Variants in PACRG observed in about 807,000 individuals in gnomAD.
PACRG encodes parkin coregulated.
A neutral mutation model predicts 29.7 loss-of-function variants in PACRG; 29 were observed. The observed-to-expected ratio is 0.98, with a 90% CI of 0.73 to 1.33. The LOEUF is 1.33. PACRG is among the 40% of genes most tolerant of loss of function. PACRG has a pLI of 0.00. For synonymous variants in PACRG, 116 were observed against 118.7 expected, an observed-to-expected ratio of 0.98 and a Z score of 0.15; for missense variants, 279 against 316.2, an observed-to-expected ratio of 0.88 and a Z score of 0.89.
chr6:163,119,494 G>A lies in PACRG; in HGVS notation c.613+30086G>A, dbSNP rs148207489. Among the ~76,000 whole-genome samples the A allele has an allele frequency of 3.6e-3, 550 of 152,326 alleles. 7 individuals are homozygous for A. The highest frequency in any genetic ancestry group is 0.013 in the African/African-American group (526 of 41,582). On this transcript the variant is annotated intron_variant, in intron 4 of 4. Coordinates refer to ENST00000366888, the MANE Select transcript of PACRG (RefSeq NM_001080379.2). ...AGCTCTAAGCAAACTGTCTTTGAAG[G>A]GAGAGAAGAAGCCCCAGCAGAGATT...
intron 4 of PACRG, among the ~76,000 whole-genome samples, chr6:163,302,186 C>T (rs1327475155): frequency 6.6e-6 from 1 of 152,138 alleles, no homozygotes; most frequent in African/African-American, 2.4e-5. Context: ...ATTAAATGGC[C>T]ACATTCAAAA....
chr6:163,130,974 G>A (rs1291649053), intron 4 of PACRG, among the ~76,000 whole-genome samples: 2 of 152,188 alleles, frequency 1.3e-5, no homozygotes, highest in African/African-American at 4.8e-5. Context: ...GGAGTCGAGT[G>A]TGTCCTAATT....
chr6:163,180,576 A>C (rs530392588), intron 4 of PACRG, among the ~76,000 whole-genome samples: 11 of 152,156 alleles, frequency 7.2e-5, no homozygotes, highest in African/African-American at 2.4e-4. Context: ...GCAGTGAGCT[A>C]TGATTACGCC....
intron 2 of PACRG, among the ~76,000 whole-genome samples, chr6:163,037,348 A>G (rs1351013699): frequency 2.6e-5 from 4 of 152,198 alleles, no homozygotes; most frequent in Non-Finnish European, 5.9e-5. Context: ...TCACTCCTAC[A>G]AATGTTCGGC....
intron 2 of PACRG, among the ~76,000 whole-genome samples, chr6:162,969,007 A>G (rs1297125983): frequency 7.6e-6 from 1 of 131,106 alleles, no homozygotes; most frequent in Non-Finnish European, 1.5e-5. Flanking sequence ...AGATCGCACC[A>G]CTGCCCTCCA....
At chr6:162,825,326 T>G (rs1458458578) in intron 2 of PACRG, among the ~76,000 whole-genome samples, 1 of 152,224 alleles carries the variant, frequency 6.6e-6, no homozygotes, top group Non-Finnish European at 1.5e-5. Flanking sequence ...GAGTCATGAT[T>G]AAATACGAGC....
intron 4 of PACRG, among the ~76,000 whole-genome samples, chr6:163,227,078 T>C (rs903954261): frequency 6.6e-6 from 1 of 152,186 alleles, no homozygotes; most frequent in African/African-American, 2.4e-5. Context: ...CCTGCTTGTA[T>C]TAGGCCATTC....
intron 2 of PACRG, among the ~76,000 whole-genome samples, chr6:162,862,732 C>G (rs1791969170): frequency 6.6e-6 from 1 of 152,142 alleles, no homozygotes; most frequent in Non-Finnish European, 1.5e-5. Flanking sequence ...TAGAGTAAGA[C>G]AGAGATAAAG....
At chr6:163,025,310 C>T (rs565260838) in intron 2 of PACRG, among the ~76,000 whole-genome samples, 13 of 152,170 alleles carry the variant, frequency 8.5e-5, no homozygotes, top group East Asian at 3.9e-4. Flanking sequence ...TCTTTGCTAA[C>T]GATATGATTC....
intron 4 of PACRG, among the ~76,000 whole-genome samples, chr6:163,107,871 C>T (rs1815472040): frequency 6.6e-6 from 1 of 152,170 alleles, no homozygotes; most frequent in Admixed American, 6.5e-5. Flanking sequence ...ATAAATTTCT[C>T]CAAAATCCTA....
At chr6:162,921,119 C>T (rs1797032860) in intron 2 of PACRG, among the ~76,000 whole-genome samples, 1 of 152,158 alleles carries the variant, frequency 6.6e-6, no homozygotes, top group Non-Finnish European at 1.5e-5. Context: ...TTTACATAAA[C>T]AAACTCTTGT....
chr6:162,981,401 C>T (rs9456826), intron 2 of PACRG, among the ~76,000 whole-genome samples: 58,330 of 151,382 alleles, frequency 0.39, 13,362 homozygotes, highest in Non-Finnish European at 0.52. Flanking sequence ...TACACACACA[C>T]GCACACACAT....
intron 3 of PACRG, among the ~76,000 whole-genome samples, chr6:163,070,251 C>T (rs1447978909): frequency 6.6e-6 from 1 of 151,876 alleles, no homozygotes; most frequent in Non-Finnish European, 1.5e-5. Context: ...AGTAAGTACA[C>T]AGAAAAATAG....
intron 2 of PACRG, among the ~76,000 whole-genome samples, chr6:162,846,277 C>T (rs1048241856): frequency 2.0e-5 from 3 of 152,146 alleles, no homozygotes; most frequent in Non-Finnish European, 2.9e-5. Context: ...CACAGGAACA[C>T]GGTAGATTTT....
At chr6:162,798,366 C>T (rs183810043) in intron 1 of PACRG, among the ~76,000 whole-genome samples, 2 of 152,244 alleles carry the variant, frequency 1.3e-5, no homozygotes, top group Admixed American at 1.3e-4. Context: ...CTCATGAGTT[C>T]TCCCTCACCA....
At chr6:163,079,721 G>A (rs977521609) in intron 3 of PACRG, among the ~76,000 whole-genome samples, 1 of 151,806 alleles carries the variant, frequency 6.6e-6, no homozygotes, top group Non-Finnish European at 1.5e-5. Context: ...ACTCCTTCTT[G>A]GAAATTGGTC....
In PACRG at chr6:163,035,800, G is replaced by A. The variant is rs574354350; in HGVS notation, c.292-26350G>A. 3.9e-4 allele frequency among the ~76,000 whole-genome samples: 48 copies of A among 123,414 alleles called. 1 individual carries two copies. The highest frequency in any genetic ancestry group is 7.4e-4 in the Non-Finnish European group (46 of 62,490). 81.0% of individuals were successfully genotyped at this position (123,414 alleles called of 152,430 possible). A position where few individuals can be genotyped will look rare whatever the true frequency, so the allele number is the denominator to read the frequency against. On this transcript the variant is annotated intron_variant, in intron 2 of 4. Transcript: ENST00000366888. Reference sequence around the variant, plus strand: ...GCACTCCAGCCTGGGTGACAAGAGTGAGACTCTGTCTCAAAAAAAAAAAAA... The same window carrying A: ...GCACTCCAGCCTGGGTGACAAGAGTAAGACTCTGTCTCAAAAAAAAAAAAA...
At chr6:163,131,315 CAAAAAAAA>C (rs55958953) in intron 4 of PACRG, among the ~76,000 whole-genome samples, 12 of 136,186 alleles carry the variant, frequency 8.8e-5, no homozygotes, top group Admixed American at 4.5e-4. Context: ...CTGTCTCAAA[CAAAAAAAA>C]AAAAAAAAAA....
intron 2 of PACRG, among the ~76,000 whole-genome samples, chr6:162,947,505 ATAATC>A (rs1325888068): frequency 8.1e-6 from 1 of 123,402 alleles, no homozygotes; most frequent in Non-Finnish European, 1.6e-5. Context: ...TCATATATAT[ATAATC>A]TATATATATA....
Sources: allele counts gnomAD v4.1 joint callset (sites outside exome capture counted in the v4.1 genomes callset), GRCh38; gene constraint gnomAD v4.1.1; transcripts MANE v1.5; gene names NCBI Gene and HGNC (gene_info 2026-07-23, HGNC 2026-07-21).